Variants in ARB2A observed in about 807,000 individuals in gnomAD.
ARB2A encodes the protein cotranscriptional regulator ARB2A.
the ARB2A span, among the ~76,000 whole-genome samples, chr5:93,943,905 G>T: frequency 6.6e-6 from 1 of 152,042 alleles, no homozygotes; most frequent in Non-Finnish European, 1.5e-5. Context: ...AACATTAATG[G>T]CCAGAATAGA....
chr5:93,916,839 C>T, the ARB2A span, among the ~76,000 whole-genome samples: 1 of 152,070 alleles, frequency 6.6e-6, no homozygotes, highest in East Asian at 1.9e-4. Flanking sequence ...TCGAAATATT[C>T]ATGGCAGAGG....
chr5:93,855,821 C>G, the ARB2A span, among the ~76,000 whole-genome samples: 11 of 151,866 alleles, frequency 7.2e-5, no homozygotes, highest in Non-Finnish European at 1.6e-4. Flanking sequence ...CTGTACATCA[C>G]CATCATCAAA....
At chr5:93,830,035 T>C in the ARB2A span, among the ~76,000 whole-genome samples, 1 of 152,006 alleles carries the variant, frequency 6.6e-6, no homozygotes, top group African/African-American at 2.4e-5. Flanking sequence ...TGTTCAAACT[T>C]TTGAGAGTGA....
At chr5:93,970,744 T>C in the ARB2A span, among the ~76,000 whole-genome samples, 2 of 152,312 alleles carry the variant, frequency 1.3e-5, no homozygotes, top group African/African-American at 4.8e-5. Context: ...GTTTTCTGCT[T>C]GAAATAATTA....
the ARB2A span, chr5:93,861,274 T>A: frequency 1.3e-5 from 2 of 151,694 alleles, no homozygotes; most frequent in Non-Finnish European, 2.9e-5. Context: ...TACACCCGGT[T>A]CCATTTATTC....
the ARB2A span, among the ~76,000 whole-genome samples, chr5:94,049,922 G>C: frequency 6.6e-6 from 1 of 152,122 alleles, no homozygotes; most frequent in Admixed American, 6.5e-5. Flanking sequence ...GGAAGTATAA[G>C]TTTGTGTAAA....
the ARB2A span, among the ~76,000 whole-genome samples, chr5:93,729,843 CGTT>C: frequency 6.6e-6 from 1 of 152,070 alleles, no homozygotes; most frequent in East Asian, 1.9e-4. Context: ...TACATGGAAT[CGTT>C]GTTGTCCTCA....
At chr5:93,653,968 T>A in the ARB2A span, among the ~76,000 whole-genome samples, 1 of 152,222 alleles carries the variant, frequency 6.6e-6, no homozygotes, top group South Asian at 2.1e-4. Flanking sequence ...CTGACTCAGA[T>A]AGGGGCTCCT....
chr5:93,814,728 T>C, the ARB2A span, among the ~76,000 whole-genome samples: 3 of 152,246 alleles, frequency 2.0e-5, no homozygotes, highest in African/African-American at 7.2e-5. Flanking sequence ...CCAGTACTTG[T>C]ATGGAGTGGG....
At chr5:93,630,664 C>T in the ARB2A span, among the ~76,000 whole-genome samples, 18 of 152,106 alleles carry the variant, frequency 1.2e-4, no homozygotes, top group Admixed American at 8.5e-4. Flanking sequence ...TCAGGGAAGA[C>T]GGGTGCGGGG....
chr5:93,881,763 T>C, the ARB2A span: 1 of 1,060,576 alleles, frequency 9.4e-7, no homozygotes, highest in Non-Finnish European at 1.3e-6. Context: ...GTTCTTAAAA[T>C]TTCAGTCTAA....
At chr5:93,726,767 T>G in the ARB2A span, among the ~76,000 whole-genome samples, 3 of 152,098 alleles carry the variant, frequency 2.0e-5, no homozygotes, top group Non-Finnish European at 2.9e-5. Flanking sequence ...TATATTCAGC[T>G]TCTTTTTCAG....
chr5:94,074,560 T>A, the ARB2A span: 1 of 1,004,086 alleles, frequency 1.0e-6, no homozygotes, highest in East Asian at 2.5e-5. Flanking sequence ...ATTTTAGATT[T>A]GAAATGAATG....
At chr5:93,752,379 A>G in the ARB2A span, among the ~76,000 whole-genome samples, 2 of 152,204 alleles carry the variant, frequency 1.3e-5, no homozygotes, top group East Asian at 1.9e-4. Flanking sequence ...GTACAAATAC[A>G]AATTCTTATT....
the ARB2A span, among the ~76,000 whole-genome samples, chr5:93,958,343 T>C: frequency 2.0e-5 from 3 of 152,052 alleles, no homozygotes; most frequent in Non-Finnish European, 4.4e-5. Flanking sequence ...TAATTCAAAG[T>C]AGCAGATCTC....
At chr5:93,771,651 G>A in the ARB2A span, among the ~76,000 whole-genome samples, 27 of 152,136 alleles carry the variant, frequency 1.8e-4, no homozygotes, top group Non-Finnish European at 4.4e-5. Context: ...CAAAGGATAT[G>A]AACAGACACT....
At chr5:94,042,375 A>G in the ARB2A span, among the ~76,000 whole-genome samples, 2,097 of 132,732 alleles carry the variant, frequency 0.016, 52 homozygotes, top group African/African-American at 0.057. Flanking sequence ...GCGCGACCTC[A>G]GCTCACTGCA....
the ARB2A span, among the ~76,000 whole-genome samples, chr5:93,799,415 A>G: frequency 1.3e-5 from 2 of 151,958 alleles, no homozygotes; most frequent in Non-Finnish European, 2.9e-5. Context: ...GTCAGTTTCC[A>G]TCTTTTCTAT....
chr5:93,761,366 T>G, the ARB2A span, among the ~76,000 whole-genome samples: 5 of 152,172 alleles, frequency 3.3e-5, no homozygotes, highest in African/African-American at 1.2e-4. Flanking sequence ...CCTAATACTG[T>G]GCTTTTCCAA....
Sources: gnomAD v4.1 joint callset for allele counts (sites outside exome capture counted in the v4.1 genomes callset) on GRCh38, gnomAD v4.1.1 for gene constraint, MANE v1.5 for transcripts, NCBI Gene and HGNC (gene_info 2026-07-23, HGNC 2026-07-21) for gene names.